GPC5: variants seen among roughly 807,000 people sequenced by gnomAD.
GPC5 encodes the protein glypican-5.
In GPC5, 47 loss-of-function variants were observed where a neutral mutation model predicts 53.9. The observed-to-expected ratio is 0.87, with a 90% confidence interval of 0.69 to 1.11. GPC5 has a LOEUF of 1.11. GPC5 is among the 50% of genes most tolerant of loss of function. GPC5 has a pLI of 0.00. For missense variants in GPC5, 748 were observed against 713.1 expected (o/e 1.05, Z -0.56); for synonymous variants, 286 against 263.3 (o/e 1.09, Z -0.84).
At position 91,985,386 on chromosome 13, in the gene GPC5, C is replaced by A. The variant is rs1464573345; in HGVS notation, c.1401+77329C>A. Among the ~76,000 whole-genome samples the A allele has an allele frequency of 1.3e-4, 13 of 99,982 alleles. No homozygotes were observed. The East Asian group carries it at 4.9e-3, about 37-fold the overall frequency. 65.6% of individuals were successfully genotyped at this position (99,982 alleles called of 152,430 possible). ...AAAATCAGCATTTTTTTTTTTTTTA[C>A]TAGTGTGACAATCTTTGCCTTTTAA... is the stretch of plus-strand genomic sequence containing the variant. On this transcript the variant is annotated intron_variant, in intron 6 of 7. Transcript: ENST00000377067.
intron 7 of GPC5, among the ~76,000 whole-genome samples, chr13:92,371,446 C>T (rs2043648979): frequency 6.6e-6 from 1 of 152,106 alleles, no homozygotes; most frequent in Non-Finnish European, 1.5e-5. Flanking sequence ...AAGAAAGCAG[C>T]AGTATGCTTT....
Position 92,400,982 on chromosome 13 carries a change from A to C in GPC5, c.1561+255993A>C, listed in dbSNP as rs2139336444. On this transcript the variant is annotated intron_variant, in intron 7 of 7. Coordinates refer to ENST00000377067, the MANE Select transcript of GPC5 (RefSeq NM_004466.6). ...CCTAGGTATGTTCTGAGGCAGATGG[A>C]AGTTGTTGCCTTTGATTTCAAAATA... is the stretch of plus-strand genomic sequence containing the variant. 2.0e-5 allele frequency among the ~76,000 whole-genome samples: 3 copies of C among 152,068 alleles called. No individual in the cohort carries two copies. In the South Asian group the frequency reaches 6.2e-4, roughly 32 times the overall value.
chr13:92,233,460 A>G (rs7995221), intron 7 of GPC5, among the ~76,000 whole-genome samples: 12,596 of 152,174 alleles, frequency 0.083, 1,563 homozygotes, highest in African/African-American at 0.27. Context: ...TTAAAATAGG[A>G]ACAAATAAGC....
intron 3 of GPC5, among the ~76,000 whole-genome samples, chr13:91,694,480 A>G (rs2035836826): frequency 6.6e-6 from 1 of 152,220 alleles, no homozygotes; most frequent in East Asian, 1.9e-4. Flanking sequence ...TGTAGTGTAT[A>G]CACGGTCATG....
At chr13:92,149,412 G>A (rs2041891459) in intron 7 of GPC5, among the ~76,000 whole-genome samples, 1 of 152,140 alleles carries the variant, frequency 6.6e-6, no homozygotes, top group African/African-American at 2.4e-5. Flanking sequence ...GATTAATTTA[G>A]AAATAGTAGG....
chr13:92,691,982 G>A (rs966566059), intron 7 of GPC5, among the ~76,000 whole-genome samples: 2 of 152,094 alleles, frequency 1.3e-5, no homozygotes, highest in Admixed American at 6.6e-5. Context: ...ACCAGATGGT[G>A]AGCATAATAT....
At chr13:92,253,212 T>G (rs1420768494) in intron 7 of GPC5, among the ~76,000 whole-genome samples, 1 of 152,106 alleles carries the variant, frequency 6.6e-6, no homozygotes, top group African/African-American at 2.4e-5. Context: ...TGGACTGTAA[T>G]GCAGGAGGTA....
intron 7 of GPC5, among the ~76,000 whole-genome samples, chr13:92,612,914 A>G (rs1324194143): frequency 6.6e-6 from 1 of 151,996 alleles, no homozygotes; most frequent in East Asian, 1.9e-4. Flanking sequence ...AATGACATTT[A>G]TTTTTCAGGA....
At chr13:92,390,977 T>C (rs1391282076) in intron 7 of GPC5, among the ~76,000 whole-genome samples, 1 of 152,072 alleles carries the variant, frequency 6.6e-6, no homozygotes, top group Admixed American at 6.6e-5. Flanking sequence ...ATTATATGGT[T>C]TCACTTCAAA....
intron 6 of GPC5, among the ~76,000 whole-genome samples, chr13:92,074,029 CTTTA>C (rs2138869772): frequency 6.6e-6 from 1 of 151,864 alleles, no homozygotes; most frequent in East Asian, 1.9e-4. Context: ...CCTTTTTTTC[CTTTA>C]TTTATCGATT....
intron 5 of GPC5, among the ~76,000 whole-genome samples, chr13:91,886,362 G>A (rs1352788801): frequency 6.6e-6 from 1 of 152,058 alleles, no homozygotes; most frequent in Non-Finnish European, 1.5e-5. Flanking sequence ...TGGGGATTAT[G>A]GGAACTATAA....
intron 7 of GPC5, among the ~76,000 whole-genome samples, chr13:92,818,666 C>G (rs972627577): frequency 2.0e-5 from 3 of 151,836 alleles, no homozygotes; most frequent in Non-Finnish European, 4.4e-5. Flanking sequence ...CTCATGCCTG[C>G]CAGAGAAGTT....
intron 5 of GPC5, among the ~76,000 whole-genome samples, chr13:91,771,478 T>C (rs185890636): frequency 1.3e-5 from 2 of 152,216 alleles, no homozygotes; most frequent in Non-Finnish European, 2.9e-5. Context: ...GAATTGCACA[T>C]ATTTTATGCT....
At chr13:91,878,314 T>C (rs1022312949) in intron 5 of GPC5, among the ~76,000 whole-genome samples, 50 of 152,294 alleles carry the variant, frequency 3.3e-4, no homozygotes, top group African/African-American at 1.2e-3. Flanking sequence ...ATATTTATGA[T>C]TGAGAAAAAT....
intron 7 of GPC5, among the ~76,000 whole-genome samples, chr13:92,470,236 C>T (rs768774582): frequency 3.5e-4 from 53 of 151,956 alleles, no homozygotes; most frequent in Non-Finnish European, 5.1e-4. Context: ...TATATAACAG[C>T]GAAAATATTA....
chr13:91,435,680 A>G (rs1184924138), intron 1 of GPC5, among the ~76,000 whole-genome samples: 2 of 152,210 alleles, frequency 1.3e-5, no homozygotes, highest in Admixed American at 1.3e-4. Flanking sequence ...AAGCTTTGGT[A>G]TCAGGATGAT....
chr13:92,633,728 T>C (rs1482985986), intron 7 of GPC5, among the ~76,000 whole-genome samples: 1 of 152,138 alleles, frequency 6.6e-6, no homozygotes, highest in African/African-American at 2.4e-5. Context: ...TTTTACCTAT[T>C]ATGTTTTCTG....
rs146117242 is a variant in GPC5, at chr13:91,951,994, G to C, written c.1401+43937G>C. ...GTAAAGCTGTTTTTCTTGAAGAAGA[G>C]AGCCTCATTAAAATGATGACTAACT... On this transcript the variant is annotated intron_variant, in intron 6 of 7. Transcript: ENST00000377067. 9.0e-3 allele frequency among the ~76,000 whole-genome samples: 1,374 copies of C among 152,254 alleles called. 25 individuals carry two copies. The highest frequency in any genetic ancestry group is 0.031 in the African/African-American group (1,298 of 41,576).
intron 7 of GPC5, among the ~76,000 whole-genome samples, chr13:92,646,930 A>AGTGTG (rs1885791804): frequency 6.8e-6 from 1 of 146,590 alleles, no homozygotes. Context: ...ATATATAAAC[A>AGTGTG]TGTGTGTGTG....
Sources: gnomAD v4.1 joint callset for allele counts (sites outside exome capture counted in the v4.1 genomes callset) on GRCh38, gnomAD v4.1.1 for gene constraint, MANE v1.5 for transcripts, NCBI Gene and HGNC (gene_info 2026-07-23, HGNC 2026-07-21) for gene names.